LHFPL3: variants seen among roughly 807,000 people sequenced by gnomAD.
LHFPL3 encodes LHFPL tetraspan subfamily member 3, also known as LHFPL tetraspan subfamily member 3 protein.
LHFPL3 carries 5 observed loss-of-function variants against 19.3 expected under a neutral mutation model. The observed-to-expected ratio is 0.26, with a 90% CI of 0.14 to 0.54. LHFPL3 has a LOEUF of 0.54. LHFPL3 is among the 20% of genes least tolerant of loss of function. The pLI, the probability that LHFPL3 is intolerant of heterozygous loss-of-function variation, is 0.94. For missense variants in LHFPL3, 249 were observed against 307.4 expected (o/e 0.81, Z 1.42); for synonymous variants, 133 against 126.2 (o/e 1.05, Z -0.36).
intron 1 of LHFPL3, among the ~76,000 whole-genome samples, chr7:104,611,527 A>G (rs1187731237): frequency 6.6e-6 from 1 of 152,232 alleles, no homozygotes; most frequent in East Asian, 1.9e-4. Context: ...CAAAGGGCAA[A>G]GAAGGAGACT....
intron 1 of LHFPL3, among the ~76,000 whole-genome samples, chr7:104,441,558 T>C (rs1792223881): frequency 6.6e-6 from 1 of 152,000 alleles, no homozygotes; most frequent in Admixed American, 6.6e-5. Flanking sequence ...AATATCTCAC[T>C]TTGAGATCCT....
At chr7:104,888,170 T>C (rs1012389240) in intron 2 of LHFPL3, among the ~76,000 whole-genome samples, 2 of 152,206 alleles carry the variant, frequency 1.3e-5, no homozygotes, top group Admixed American at 6.5e-5. Flanking sequence ...TAATTTGTTT[T>C]CATGTTTGGA....
intron 1 of LHFPL3, among the ~76,000 whole-genome samples, chr7:104,330,304 G>A (rs991574677): frequency 1.3e-5 from 2 of 152,188 alleles, no homozygotes; most frequent in African/African-American, 4.8e-5. Flanking sequence ...GGATGGTCTG[G>A]TTGTAGAAGG....
intron 1 of LHFPL3, among the ~76,000 whole-genome samples, chr7:104,439,777 T>G (rs968430982): frequency 3.3e-5 from 5 of 152,000 alleles, no homozygotes; most frequent in Non-Finnish European, 7.4e-5. Context: ...CTCCTCAGAT[T>G]AGGAACAAAA....
chr7:104,666,512 C>CTTTTT (rs71155514), intron 1 of LHFPL3, among the ~76,000 whole-genome samples: 6,255 of 42,062 alleles, frequency 0.15, 2,001 homozygotes, highest in South Asian at 0.28. Context: ...GGATTTCATT[C>CTTTTT]TTTTTTTTTT....
At chr7:104,902,122 G>A (rs1792497278) in intron 2 of LHFPL3, among the ~76,000 whole-genome samples, 1 of 152,124 alleles carries the variant, frequency 6.6e-6, no homozygotes, top group African/African-American at 2.4e-5. Flanking sequence ...GCTCATGCCT[G>A]TAATCCCAAT....
chr7:104,394,386 TAGGTA>T (rs1791141339), intron 1 of LHFPL3, among the ~76,000 whole-genome samples: 1 of 152,208 alleles, frequency 6.6e-6, no homozygotes, highest in African/African-American at 2.4e-5. Flanking sequence ...TGGTATAATT[TAGGTA>T]ATTTTAATTA....
intron 1 of LHFPL3, among the ~76,000 whole-genome samples, chr7:104,334,997 C>G (rs996567713): frequency 6.6e-6 from 1 of 152,162 alleles, no homozygotes; most frequent in Non-Finnish European, 1.5e-5. Flanking sequence ...TTTCCCACTT[C>G]TTACTGGGCA....
At chr7:104,418,406 C>A (rs1280136811) in intron 1 of LHFPL3, among the ~76,000 whole-genome samples, 1 of 152,026 alleles carries the variant, frequency 6.6e-6, no homozygotes, top group African/African-American at 2.4e-5. Context: ...GTAGTGTGCA[C>A]CTGTAGTCTT....
At chr7:104,578,288 T>C (rs1020871393) in intron 1 of LHFPL3, among the ~76,000 whole-genome samples, 1 of 152,220 alleles carries the variant, frequency 6.6e-6, no homozygotes, top group Non-Finnish European at 1.5e-5. Context: ...GTGATGGGCC[T>C]GCTTCTTTTA....
chr7:104,328,788 A>AGCCGCC lies in LHFPL3; in HGVS notation c.15_20dup (p.Ala13_Ala14dup). The AGCCGCC allele has an allele frequency of 2.5e-6, 4 of 1,593,300 alleles. No homozygotes were observed. In the South Asian group the frequency reaches 3.4e-5, roughly 13 times the overall value. On this transcript the variant is annotated inframe_insertion, in exon 1 of 3. Transcript: ENST00000424859. This position sits in a 1 kb window ranked among gnomAD's most constrained non-coding sequence, Gnocchi z 4.6. ...GGAGGAGGAGGGGGAGAATGCCCGG[A>AGCCGCC]GCCGCCGCCGCTGCCGCCGCCGCCG...
At chr7:104,456,363 T>C (rs1792540985) in intron 1 of LHFPL3, among the ~76,000 whole-genome samples, 1 of 152,168 alleles carries the variant, frequency 6.6e-6, no homozygotes, top group South Asian at 2.1e-4. Flanking sequence ...AAAAAATATT[T>C]AAGAAACTGA....
chr7:104,675,314 G>C (rs1199992069), intron 1 of LHFPL3, among the ~76,000 whole-genome samples: 1 of 152,234 alleles, frequency 6.6e-6, no homozygotes, highest in Non-Finnish European at 1.5e-5. Context: ...GGCTGGAGCA[G>C]AGTGGGCAGA....
chr7:104,855,070 T>C (rs1422404592), intron 2 of LHFPL3, among the ~76,000 whole-genome samples: 12 of 152,214 alleles, frequency 7.9e-5, no homozygotes, highest in South Asian at 2.1e-4. Flanking sequence ...GGTTTGCAAA[T>C]TGAAAAAACT....
intron 1 of LHFPL3, among the ~76,000 whole-genome samples, chr7:104,598,388 A>G (rs1176247616): frequency 6.6e-6 from 1 of 152,230 alleles, no homozygotes; most frequent in Admixed American, 6.5e-5. Flanking sequence ...AAGATCCTGA[A>G]GCATTTCTTC....
chr7:104,386,046 T>C (rs1788983384), intron 1 of LHFPL3, among the ~76,000 whole-genome samples: 1 of 152,138 alleles, frequency 6.6e-6, no homozygotes, highest in South Asian at 2.1e-4. Context: ...GTAAGAACAG[T>C]GAGCTTTGTG....
intron 1 of LHFPL3, among the ~76,000 whole-genome samples, chr7:104,728,729 T>C (rs560004901): frequency 6.6e-6 from 1 of 152,312 alleles, no homozygotes; most frequent in African/African-American, 2.4e-5. Flanking sequence ...ATTTGTATGC[T>C]TACTCATTTT....
At chr7:104,827,479 C>T (rs1790847999) in intron 2 of LHFPL3, among the ~76,000 whole-genome samples, 1 of 151,906 alleles carries the variant, frequency 6.6e-6, no homozygotes, top group Non-Finnish European at 1.5e-5. Flanking sequence ...ATTTTGATTT[C>T]CTAGTTCAGG....
chr7:104,338,949 G>T (rs2116361711), intron 1 of LHFPL3, among the ~76,000 whole-genome samples: 1 of 152,188 alleles, frequency 6.6e-6, no homozygotes, highest in South Asian at 2.1e-4. Context: ...TCATTTTCTT[G>T]ATTAAGAAAT....
Sources: allele counts gnomAD v4.1 joint callset (sites outside exome capture counted in the v4.1 genomes callset), GRCh38; gene constraint gnomAD v4.1.1; non-coding constraint Gnocchi (gnomAD v3.1); transcripts MANE v1.5; gene names NCBI Gene and HGNC (gene_info 2026-07-23, HGNC 2026-07-21).